NCAPH: variants seen among roughly 807,000 people sequenced by gnomAD.
NCAPH encodes the protein non-SMC condensin I complex subunit H.
A neutral mutation model predicts 85.5 loss-of-function variants in NCAPH; 38 were observed. The ratio of observed to expected loss-of-function variants is 0.44; its 90% CI spans 0.34 to 0.58. The LOEUF (loss-of-function observed/expected upper bound fraction) is 0.58, where lower values mean the gene tolerates loss of function less well. Ranked by LOEUF, NCAPH falls within the 20% of genes least tolerant of loss-of-function variation. The pLI, the probability that NCAPH is intolerant of heterozygous loss-of-function variation, is 0.01. For missense variants in NCAPH, 789 were observed against 916.6 expected (o/e 0.86, Z 1.80); for synonymous variants, 301 against 335.1 (o/e 0.90, Z 1.11).
intron 6 of NCAPH, 105 bp from the exon 7 acceptor site, chr2:96,351,725 AG>A (rs2064445635): frequency 1.2e-6 from 1 of 822,848 alleles, no homozygotes; most frequent in Non-Finnish European, 1.7e-6. Flanking sequence ...GAGATATTTC[AG>A]TCCAGTGTAT....
chr2:96,356,178 A>T (rs1328945928), intron 9 of NCAPH, among the ~76,000 whole-genome samples: 1 of 152,178 alleles, frequency 6.6e-6, no homozygotes, highest in Non-Finnish European at 1.5e-5. Context: ...CTTAGACTCT[A>T]TCCTACCTAG....
At chr2:96,338,241 GAAA>G (rs34560390) in intron 1 of NCAPH, among the ~76,000 whole-genome samples, 3 of 80,860 alleles carry the variant, frequency 3.7e-5, no homozygotes, top group East Asian at 6.8e-4. Flanking sequence ...CTATTTTATT[GAAA>G]AAAAAAAAAA....
At position 96,354,406 on chromosome 2, in the gene NCAPH, C is replaced by G. The variant is rs746052141; in HGVS notation, c.1208+18C>G. The G allele has an allele frequency of 2.6e-6, 4 of 1,511,002 alleles. No individual in the cohort carries two copies. The South Asian group carries it at 3.9e-5, about 15-fold the overall frequency. The allele number at this position is 1,511,002 out of a possible 1,614,324, so 93.6% of individuals were successfully genotyped here. A position where few individuals can be genotyped will look rare whatever the true frequency, so the allele number is the denominator to read the frequency against. On this transcript the variant is annotated intron_variant, in intron 9 of 17. Coordinates refer to ENST00000240423, the MANE Select transcript of NCAPH (RefSeq NM_015341.5). The stretch of plus-strand genomic sequence containing the variant: ...AGCTGCCAGTAAGGCTCTCAGAGTC[C>G]GAAAGTGTTTCTATAGGAGTTTTCC...
intron 6 of NCAPH, among the ~76,000 whole-genome samples, chr2:96,351,285 C>T (rs1042596381): frequency 6.6e-6 from 1 of 152,200 alleles, no homozygotes; most frequent in African/African-American, 2.4e-5. Context: ...TGTACACTTG[C>T]CACCACATAC....
At chr2:96,355,236 A>G (rs2064507508) in intron 9 of NCAPH, among the ~76,000 whole-genome samples, 1 of 152,172 alleles carries the variant, frequency 6.6e-6, no homozygotes, top group Admixed American at 6.5e-5. Flanking sequence ...AGGGTCTCAC[A>G]ACACTTTAAT....
chr2:96,357,881 T>G (rs1477937126), intron 9 of NCAPH, among the ~76,000 whole-genome samples: 1 of 152,186 alleles, frequency 6.6e-6, no homozygotes, highest in Non-Finnish European at 1.5e-5. Context: ...CTTCTGAAAC[T>G]TCTTGGTTAC....
Position 96,360,214 on chromosome 2 carries a change from G to T in NCAPH, c.1429G>T (p.Asp477Tyr). 6.4e-7 allele frequency: 1 copy of T among 1,563,928 alleles called. No homozygotes were observed. Among genetic ancestry groups the T allele is most frequent in the East Asian group, 2.2e-5 (1 of 44,566 alleles). ...KKDFEIDFED[D>Y]IDFDVYFRKT... ...AGATTTTGAAATTGACTTTGAAGAT[G>T]ATATTGACTTTGATGTATATTTTAG... The change falls in exon 11 of 18, where the codon GAT (aspartate) becomes TAT (tyrosine). Residue 477 changes from aspartate (D) to tyrosine (Y), a missense_variant. Transcript: ENST00000240423.
chr2:96,348,138 C>T (rs940113438), intron 6 of NCAPH, among the ~76,000 whole-genome samples: 5 of 151,736 alleles, frequency 3.3e-5, no homozygotes, highest in South Asian at 2.1e-4. Context: ...ACGCTGGCCC[C>T]AACCACATCT....
chr2:96,345,994 T>C (rs989293641), intron 6 of NCAPH, among the ~76,000 whole-genome samples: 1 of 152,172 alleles, frequency 6.6e-6, no homozygotes, highest in Non-Finnish European at 1.5e-5. Flanking sequence ...AGAGTTTTGA[T>C]TTTGTTTTTG....
chr2:96,369,604 A>T, intron 17 of NCAPH, 104 bp downstream of exon 17: 1 of 1,222,208 alleles, frequency 8.2e-7, no homozygotes, highest in South Asian at 1.2e-5. Flanking sequence ...GGATTTCTTA[A>T]ATACAGTGAC....
At chr2:96,361,768 A>G (rs1162045806) in intron 12 of NCAPH, among the ~76,000 whole-genome samples, 2 of 135,758 alleles carry the variant, frequency 1.5e-5, no homozygotes, top group African/African-American at 2.8e-5. Context: ...ATATATATAT[A>G]CATATATATA....
At chr2:96,373,247 A>T in intron 17 of NCAPH, 45 bp from the exon 18 acceptor site, 1 of 1,513,296 alleles carries the variant, frequency 6.6e-7, no homozygotes, top group Non-Finnish European at 9.2e-7. Context: ...TGATTCTTTT[A>T]TTCTCCGTAT....
At position 96,373,873 on chromosome 2, in the gene NCAPH, A is replaced by T. The variant is rs2064804185; in HGVS notation, c.*522A>T. 1 of 152,788 alleles carries T rather than the reference A, an allele frequency of 6.5e-6. No homozygotes were observed. Among genetic ancestry groups the T allele is most frequent in the African/African-American group, 2.4e-5 (1 of 41,458 alleles). The allele number at this position is 152,788 out of a possible 1,614,324, so 9.5% of individuals were successfully genotyped here. A position where few individuals can be genotyped will look rare whatever the true frequency, so the allele number is the denominator to read the frequency against. ...TGAGTGTCCACTAGATGAGTATCAG[A>T]CCTAGTCCTTACCCTTAGGGGGATG... On this transcript the variant is annotated 3_prime_UTR_variant, in exon 18 of 18. Coordinates refer to ENST00000240423, the MANE Select transcript of NCAPH (RefSeq NM_015341.5).
chr2:96,345,483 C>G (rs1360712942), intron 6 of NCAPH, among the ~76,000 whole-genome samples: 1 of 152,222 alleles, frequency 6.6e-6, no homozygotes, highest in African/African-American at 2.4e-5. Context: ...CGGGGTGGAA[C>G]ACTGCTGGGT....
chr2:96,336,681 G>C (rs1040097858), intron 1 of NCAPH, among the ~76,000 whole-genome samples: 1 of 152,200 alleles, frequency 6.6e-6, no homozygotes, highest in African/African-American at 2.4e-5. Flanking sequence ...TAATCACTTA[G>C]GTGAGAATTT....
intron 1 of NCAPH, among the ~76,000 whole-genome samples, chr2:96,338,010 T>C (rs1209143421): frequency 6.6e-6 from 1 of 151,742 alleles, no homozygotes; most frequent in Non-Finnish European, 1.5e-5. Flanking sequence ...CACTGCAACC[T>C]CTGCCTCCCA....
intron 1 of NCAPH, among the ~76,000 whole-genome samples, chr2:96,337,182 A>T (rs1318526834): frequency 6.6e-6 from 1 of 152,238 alleles, no homozygotes; most frequent in Non-Finnish European, 1.5e-5. Context: ...GAAACCACGG[A>T]AAGAAGATTT....
rs933611245 is a variant in NCAPH, at chr2:96,368,832, T to A, written c.1999-140T>A. The A allele has an allele frequency of 6.7e-5, 46 of 684,140 alleles. No homozygotes were observed. In the Middle Eastern group the frequency reaches 1.3e-3, roughly 19 times the overall value. The allele number at this position is 684,140 out of a possible 1,614,324, so 42.4% of individuals were successfully genotyped here. On this transcript the variant is annotated intron_variant, in intron 15 of 17. Coordinates refer to ENST00000240423, the MANE Select transcript of NCAPH (RefSeq NM_015341.5). Reference sequence around the variant, plus strand: ...CTGAGGCACTGGTTCTCTTTGTAGATCCTTTTTCTTCAAAATAACTAAGAA... The same window carrying A: ...CTGAGGCACTGGTTCTCTTTGTAGAACCTTTTTCTTCAAAATAACTAAGAA...
At position 96,351,898 on chromosome 2, in the gene NCAPH, C is replaced by T. The variant is rs768308278; in HGVS notation, c.788C>T (p.Ser263Phe). 1.2e-6 allele frequency: 2 copies of T among 1,614,088 alleles called. No individual in the cohort carries two copies. The highest frequency in any genetic ancestry group is 1.7e-6 in the Non-Finnish European group (2 of 1,179,940). The change falls in exon 7 of 18, where the codon TCC (serine) becomes TTC (phenylalanine). Residue 263 changes from serine to phenylalanine, a missense_variant. By Grantham distance (155) the Ser-to-Phe change is radical. Transcript: ENST00000240423. Reference protein sequence around the residue: ...DECSTAGVFLSTLHCQDYRSE... With the variant: ...DECSTAGVFLFTLHCQDYRSE... The stretch of plus-strand genomic sequence containing the variant: ...TGCAGCACAGCAGGGGTGTTTCTGT[C>T]CACTCTCCACTGCCAGGACTACAGA...
Sources: allele counts gnomAD v4.1 joint callset (sites outside exome capture counted in the v4.1 genomes callset), GRCh38; gene constraint gnomAD v4.1.1; transcripts MANE v1.5; gene names NCBI Gene and HGNC (gene_info 2026-07-23, HGNC 2026-07-21).